AGMO: variants seen among roughly 807,000 people sequenced by gnomAD.
The protein encoded by AGMO is alkylglycerol monooxygenase.
AGMO carries 75 observed loss-of-function variants against 60.2 expected under a neutral mutation model. The observed-to-expected ratio is 1.25, with a 90% confidence interval of 1.03 to 1.51. The LOEUF (loss-of-function observed/expected upper bound fraction) is 1.51, where lower values mean the gene tolerates loss of function less well. Among genes scored for constraint, AGMO ranks in the 40% most tolerant of loss-of-function variants. The pLI is 0.00. For synonymous variants in AGMO, 261 were observed against 177.1 expected (o/e 1.47, Z -3.76); for missense variants, 763 against 525.5 (o/e 1.45, Z -4.42).
intron 10 of AGMO, among the ~76,000 whole-genome samples, chr7:15,383,791 G>A (rs73302365): frequency 0.14 from 21,293 of 151,616 alleles, 1,650 homozygotes; most frequent in African/African-American, 0.19. Flanking sequence ...TATTCATTTA[G>A]GTTTTTTTCC....
At chr7:15,131,291 C>T in the AGMO span, among the ~76,000 whole-genome samples, 1 of 152,060 alleles carries the variant, frequency 6.6e-6, no homozygotes, top group East Asian at 1.9e-4. Flanking sequence ...GTTAGAGCTC[C>T]ATAACTTAAA....
At chr7:15,397,054 G>T (rs1208116031) in intron 5 of AGMO, among the ~76,000 whole-genome samples, 1 of 152,064 alleles carries the variant, frequency 6.6e-6, no homozygotes, top group Non-Finnish European at 1.5e-5. Context: ...AGTCACCACC[G>T]GTCCCAGAAG....
At chr7:15,471,540 T>C (rs184875597) in intron 3 of AGMO, among the ~76,000 whole-genome samples, 1 of 152,054 alleles carries the variant, frequency 6.6e-6, no homozygotes, top group Admixed American at 6.6e-5. Flanking sequence ...ATCTGTATTC[T>C]TGAATATTGT....
At chr7:15,195,159 A>G in the AGMO span, among the ~76,000 whole-genome samples, 2 of 152,154 alleles carry the variant, frequency 1.3e-5, no homozygotes, top group Non-Finnish European at 2.9e-5. Flanking sequence ...GGATCTACCA[A>G]ACCTAACCCC....
chr7:15,383,775 T>C (rs761759264), intron 10 of AGMO, among the ~76,000 whole-genome samples: 20 of 152,206 alleles, frequency 1.3e-4, no homozygotes, highest in Non-Finnish European at 2.6e-4. Context: ...ATGTTAATCC[T>C]ATCTTTATTC....
chr7:15,441,622 C>G (rs887096872), intron 3 of AGMO, among the ~76,000 whole-genome samples: 2 of 152,018 alleles, frequency 1.3e-5, no homozygotes, highest in African/African-American at 4.8e-5. Flanking sequence ...ATAGAGTTAG[C>G]TAGGATTGGC....
intron 3 of AGMO, among the ~76,000 whole-genome samples, chr7:15,534,547 A>C (rs1784441589): frequency 6.6e-6 from 1 of 152,084 alleles, no homozygotes; most frequent in East Asian, 1.9e-4. Context: ...TCTAAAACAC[A>C]GACTGTCAAT....
intron 9 of AGMO, among the ~76,000 whole-genome samples, chr7:15,386,859 G>A (rs981721295): frequency 6.6e-6 from 1 of 152,118 alleles, no homozygotes; most frequent in African/African-American, 2.4e-5. Flanking sequence ...TTTGGGTTCT[G>A]CTGTTTTAAA....
At chr7:15,463,734 A>G (rs1035097036) in intron 3 of AGMO, among the ~76,000 whole-genome samples, 6 of 152,222 alleles carry the variant, frequency 3.9e-5, no homozygotes, top group African/African-American at 7.2e-5. Flanking sequence ...ATAGAACAGT[A>G]GCAAAATTTG....
intron 12 of AGMO, among the ~76,000 whole-genome samples, chr7:15,263,871 C>A (rs902051044): frequency 3.9e-5 from 6 of 151,978 alleles, no homozygotes; most frequent in African/African-American, 1.4e-4. Flanking sequence ...TATGAGGATG[C>A]AAAGGCATAA....
chr7:15,254,679 G>A (rs1783044978), intron 12 of AGMO, among the ~76,000 whole-genome samples: 1 of 150,946 alleles, frequency 6.6e-6, no homozygotes, highest in Admixed American at 6.6e-5. Context: ...AAATACGAAA[G>A]ATCAATGAGA....
At chr7:15,134,859 T>C in the AGMO span, among the ~76,000 whole-genome samples, 1,421 of 152,216 alleles carry the variant, frequency 9.3e-3, 58 homozygotes, top group Admixed American at 0.069. Context: ...TGAGAGCTAA[T>C]GGCAATTTAA....
chr7:15,282,640 A>C (rs1784001112), intron 12 of AGMO, among the ~76,000 whole-genome samples: 1 of 152,240 alleles, frequency 6.6e-6, no homozygotes, highest in Non-Finnish European at 1.5e-5. Context: ...GGAGAAGAGA[A>C]AGCAAAAACA....
chr7:15,354,510 A>ACGCGTG (rs1563106015), intron 12 of AGMO, among the ~76,000 whole-genome samples: 8 of 77,300 alleles, frequency 1.0e-4, no homozygotes, highest in Non-Finnish European at 1.8e-4. Context: ...ATATATATAT[A>ACGCGTG]TATATATATA....
chr7:15,389,264 TAA>T (rs1305570650), intron 8 of AGMO, among the ~76,000 whole-genome samples: 1 of 151,804 alleles, frequency 6.6e-6, no homozygotes, highest in Non-Finnish European at 1.5e-5. Context: ...ACATGAACAT[TAA>T]GTTTGCAAAG....
chr7:15,246,521 C>T (rs1782747735), intron 12 of AGMO, among the ~76,000 whole-genome samples: 1 of 152,150 alleles, frequency 6.6e-6, no homozygotes, highest in South Asian at 2.1e-4. Context: ...AAAACAGAAG[C>T]TATCAAATAG....
chr7:15,383,056 A>G (rs1783758151), intron 10 of AGMO, among the ~76,000 whole-genome samples: 1 of 151,626 alleles, frequency 6.6e-6, no homozygotes, highest in Non-Finnish European at 1.5e-5. Flanking sequence ...TGTGTAGTTG[A>G]CCCTGCCCTC....
At chr7:15,276,320 T>C (rs531476372) in intron 12 of AGMO, among the ~76,000 whole-genome samples, 2 of 152,142 alleles carry the variant, frequency 1.3e-5, no homozygotes, top group Non-Finnish European at 2.9e-5. Flanking sequence ...AAGTATCGAC[T>C]GGCATTTTTT....
chr7:15,407,774 CT>C lies in AGMO; in HGVS notation c.609+10783del, dbSNP rs576581078. 3.4e-3 allele frequency among the ~76,000 whole-genome samples: 514 copies of C among 151,708 alleles called. 2 individuals carry two copies. The highest frequency in any genetic ancestry group is 0.012 in the African/African-American group (484 of 41,418). ...ACACAAACACATAATAAATGAGAAA[CT>C]TTTTTTGCTATCATGGAATTCAGAG... On this transcript the variant is annotated intron_variant, in intron 5 of 12. Transcript: ENST00000342526.
Sources: allele counts gnomAD v4.1 joint callset (sites outside exome capture counted in the v4.1 genomes callset), GRCh38; gene constraint gnomAD v4.1.1; transcripts MANE v1.5; gene names NCBI Gene and HGNC (gene_info 2026-07-23, HGNC 2026-07-21).